The following SELENOI variants were observed in gnomAD, a reference collection of about 807,000 sequenced individuals.
The protein encoded by SELENOI is ethanolaminephosphotransferase 1.
Under a neutral mutation model 50.7 loss-of-function variants are expected in SELENOI, and 24 were observed. That is an observed-to-expected ratio of 0.47 (90% CI 0.34 to 0.67). The LOEUF is 0.67. Among genes scored for constraint, SELENOI ranks in the 30% least tolerant of loss-of-function variants. The probability of loss-of-function intolerance (pLI) is 0.01; values close to 1 mark genes in which losing one functional copy is unlikely to be tolerated. For missense variants in SELENOI, 352 were observed against 461.4 expected (o/e 0.76, Z 2.17); for synonymous variants, 155 against 170.2 (o/e 0.91, Z 0.70).
chr2:26,367,091 G>A, intron 3 of SELENOI, 55 bp from the exon 4 acceptor site: 1 of 1,434,210 alleles, frequency 7.0e-7, no homozygotes, highest in Non-Finnish European at 9.6e-7. Context: ...TATATGCTAT[G>A]GTAAGAACTA....
intron 1 of SELENOI, among the ~76,000 whole-genome samples, chr2:26,357,582 C>T (rs959643255): frequency 6.6e-6 from 1 of 152,220 alleles, no homozygotes; most frequent in Non-Finnish European, 1.5e-5. Context: ...CCTTCCTTGC[C>T]TCTATTTCAG....
In SELENOI at chr2:26,351,047, G is replaced by C. The variant is rs1050326029; in HGVS notation, c.57+4758G>C. ...TGCAGTAGAGAATTGGTTGTTCACT[G>C]TTTGTTTGTTTTTTTTTTTTTTTTT... On this transcript the variant is annotated intron_variant, in intron 1 of 9. Coordinates refer to ENST00000260585, the MANE Select transcript of SELENOI (RefSeq NM_033505.4). Among the ~76,000 whole-genome samples, 71 of 132,754 alleles carry C rather than the reference G, an allele frequency of 5.3e-4. 1 individual carries two copies. The highest frequency in any genetic ancestry group is 1.8e-3 in the African/African-American group (67 of 36,586). The allele number at this position is 132,754 out of a possible 152,430, so 87.1% of individuals were successfully genotyped here.
chr2:26,369,921 GGTCATAGAACAA>G (rs1486714158), intron 4 of SELENOI, among the ~76,000 whole-genome samples: 1 of 151,376 alleles, frequency 6.6e-6, no homozygotes, highest in Non-Finnish European at 1.5e-5. Flanking sequence ...GATTTGGCAG[GGTCATAGAACAA>G]TAGTGGAGGG....
intron 9 of SELENOI, among the ~76,000 whole-genome samples, chr2:26,388,315 T>C (rs549023191): frequency 8.3e-4 from 127 of 152,362 alleles, no homozygotes; most frequent in African/African-American, 3.0e-3. Flanking sequence ...AAATATACTT[T>C]TCTTTAAATG....
At chr2:26,382,589 T>C (rs911684984) in intron 6 of SELENOI, among the ~76,000 whole-genome samples, 2 of 152,108 alleles carry the variant, frequency 1.3e-5, no homozygotes, top group Non-Finnish European at 2.9e-5. Flanking sequence ...TAGTAGATAG[T>C]GAGGACAGCA....
chr2:26,357,038 G>A (rs1241985481), intron 1 of SELENOI, among the ~76,000 whole-genome samples: 3 of 151,706 alleles, frequency 2.0e-5, no homozygotes, highest in African/African-American at 7.3e-5. Flanking sequence ...TATAAATACT[G>A]TAATACATTA....
intron 4 of SELENOI, among the ~76,000 whole-genome samples, chr2:26,369,181 T>C (rs747397621): frequency 6.6e-6 from 1 of 152,226 alleles, no homozygotes; most frequent in Non-Finnish European, 1.5e-5. Flanking sequence ...GGTATTCTAC[T>C]GTGCTTTATC....
chr2:26,367,049 A>C (rs914363678), intron 3 of SELENOI, 97 bp from the exon 4 acceptor site: 1 of 1,026,716 alleles, frequency 9.7e-7, no homozygotes, highest in East Asian at 2.9e-5. Context: ...TTTAACTTCT[A>C]ATGAACAAAT....
intron 6 of SELENOI, among the ~76,000 whole-genome samples, chr2:26,378,145 T>C (rs1228683178): frequency 6.6e-6 from 1 of 152,206 alleles, no homozygotes; most frequent in East Asian, 1.9e-4. Flanking sequence ...GCAAAGTCGA[T>C]ACTGAGATTT....
chr2:26,364,032 C>T (rs1320042728), intron 1 of SELENOI, among the ~76,000 whole-genome samples: 1 of 151,888 alleles, frequency 6.6e-6, no homozygotes, highest in Non-Finnish European at 1.5e-5. Context: ...TGTGAGCCAC[C>T]ATGCCTGGCC....
chr2:26,376,533 T>C (rs1033245567), intron 6 of SELENOI, among the ~76,000 whole-genome samples: 1 of 152,230 alleles, frequency 6.6e-6, no homozygotes, highest in Admixed American at 6.5e-5. Context: ...TTTTATATAA[T>C]AAACCCCTGT....
intron 4 of SELENOI, among the ~76,000 whole-genome samples, chr2:26,372,369 C>G (rs141458023): frequency 0.011 from 1,682 of 152,306 alleles, 16 homozygotes; most frequent in Non-Finnish European, 0.018. Flanking sequence ...CCTTGGCCTC[C>G]GAAAGTGCTG....
chr2:26,385,819 T>A lies in SELENOI; in HGVS notation c.913-535T>A, dbSNP rs535645315. ...CTCAAGTCTTGCTGATTTTATAGGG[T>A]TTAAATATCTAAAAACACTAATGCA... On this transcript the variant is annotated intron_variant, in intron 8 of 9. Transcript: ENST00000260585. 5.9e-5 allele frequency among the ~76,000 whole-genome samples: 9 copies of A among 152,308 alleles called. No individual in the cohort carries two copies. The South Asian group carries it at 1.9e-3, about 32-fold the overall frequency.
Position 26,388,993 on chromosome 2 carries a change from G to C in SELENOI, c.1096-12G>C. 1.9e-6 allele frequency: 3 copies of C among 1,566,154 alleles called. No homozygotes were observed. The highest frequency in any genetic ancestry group is 1.4e-5 in the African/African-American group (1 of 74,032). On this transcript the variant is annotated splice_polypyrimidine_tract_variant and intron_variant, in intron 9 of 9. Transcript: ENST00000260585. The stretch of plus-strand genomic sequence containing the variant: ...CATATTTGTCACTGTCTCATGTTCT[G>C]ATTTTTCATAGGTAAAGCAGCTGAG...
chr2:26,392,098 A>G lies in SELENOI; in HGVS notation c.*2995A>G, dbSNP rs1677985021. On this transcript the variant is annotated 3_prime_UTR_variant, in exon 10 of 10. Coordinates refer to ENST00000260585, the MANE Select transcript of SELENOI (RefSeq NM_033505.4). ...GTTACAGTACTAATACCATCATGTT[A>G]TTTATTCTAATATAGAGGCATTGAG... is the stretch of plus-strand genomic sequence containing the variant. 6.6e-6 allele frequency: 1 copy of G among 152,162 alleles called. No individual in the cohort carries two copies. The highest frequency in any genetic ancestry group is 1.5e-5 in the Non-Finnish European group (1 of 68,016). The allele number at this position is 152,162 out of a possible 1,614,324, so 9.4% of individuals were successfully genotyped here. A position where few individuals can be genotyped will look rare whatever the true frequency, so the allele number is the denominator to read the frequency against.
At position 26,373,490 on chromosome 2, in the gene SELENOI, G is replaced by A; in HGVS notation, c.434G>A (p.Gly145Glu). 1 of 1,613,962 alleles carries A rather than the reference G, an allele frequency of 6.2e-7. No homozygotes were observed. The highest frequency in any genetic ancestry group is 8.5e-7 in the Non-Finnish European group (1 of 1,179,876). ...YFVVTVYSIF[G>E]RGSTGVSVFV... is the part of the protein sequence containing the mutation. ...GTTGTGACTGTTTATTCCATCTTTGGAAGAGGATCAACTGGTGTCAGTGTT... is the reference window on the plus strand; with the variant it reads ...GTTGTGACTGTTTATTCCATCTTTGAAAGAGGATCAACTGGTGTCAGTGTT... The change falls in exon 5 of 10, where the codon GGA (glycine) becomes GAA (glutamate). Residue 145 changes from glycine to glutamate, a missense_variant. Gly to Glu is a moderately conservative substitution (Grantham distance 98). Transcript: ENST00000260585.
chr2:26,356,390 AT>A (rs1451267113), intron 1 of SELENOI, among the ~76,000 whole-genome samples: 1 of 152,178 alleles, frequency 6.6e-6, no homozygotes, highest in Non-Finnish European at 1.5e-5. Context: ...AGAGCTCAGT[AT>A]TTAGTGCAAA....
intron 4 of SELENOI, 107 bp from the exon 5 acceptor site, chr2:26,373,260 C>T (rs1480393077): frequency 7.6e-7 from 1 of 1,324,302 alleles, no homozygotes; most frequent in Admixed American, 2.6e-5. Context: ...ACTTAACATT[C>T]CTGTGATAAG....
chr2:26,364,238 A>T (rs373497398), intron 1 of SELENOI, 64 bp from the exon 2 acceptor site: 13 of 1,174,216 alleles, frequency 1.1e-5, no homozygotes, highest in Non-Finnish European at 1.6e-5. Context: ...TCACCTAAGA[A>T]ATGTTATTCT....
Sources: allele counts gnomAD v4.1 joint callset (sites outside exome capture counted in the v4.1 genomes callset), GRCh38; gene constraint gnomAD v4.1.1; transcripts MANE v1.5; gene names NCBI Gene and HGNC (gene_info 2026-07-23, HGNC 2026-07-21).